The following PSG2 variants were observed in gnomAD, a reference collection of about 807,000 sequenced individuals.
PSG2 encodes pregnancy specific beta-1-glycoprotein 2.
PSG2 carries 49 observed loss-of-function variants against 36.2 expected under a neutral mutation model. The ratio of observed to expected loss-of-function variants is 1.35; its 90% CI spans 1.08 to 1.72. PSG2 has a LOEUF of 1.72. Among genes scored for constraint, PSG2 ranks in the 40% most tolerant of loss-of-function variants. PSG2 has a pLI of 0.00. For missense variants in PSG2, 605 were observed against 407.2 expected, an observed-to-expected ratio of 1.49 and a Z score of -4.18; for synonymous variants, 261 against 155.6, an observed-to-expected ratio of 1.68 and a Z score of -5.04.
chr19:43,074,651 G>T (rs1440153541), intron 3 of PSG2, among the ~76,000 whole-genome samples: 2 of 151,646 alleles, frequency 1.3e-5, no homozygotes, highest in Non-Finnish European at 1.5e-5. Context: ...CTGATAGCTA[G>T]ATAGACTTCA....
intron 2 of PSG2, among the ~76,000 whole-genome samples, chr19:43,078,560 GC>G (rs1967928821): frequency 6.6e-6 from 1 of 151,536 alleles, no homozygotes; most frequent in Admixed American, 6.6e-5. Context: ...CTACCTAGAG[GC>G]GGATTCCAGC....
chr19:43,077,710 TTG>T (rs1967917134), intron 2 of PSG2, among the ~76,000 whole-genome samples: 2 of 151,772 alleles, frequency 1.3e-5, no homozygotes, highest in Admixed American at 1.3e-4. Context: ...GTTACAGCAT[TTG>T]TATTTGTCCC....
intron 3 of PSG2, among the ~76,000 whole-genome samples, 191 bp from the exon 4 acceptor site, chr19:43,072,145 G>T (rs545700462): frequency 6.6e-6 from 1 of 151,688 alleles, no homozygotes; most frequent in Non-Finnish European, 1.5e-5. Flanking sequence ...TGGGCCCCAA[G>T]TCTCCCACGA....
At position 43,078,768 on chromosome 19, in the gene PSG2, C is replaced by G. The variant is rs560703060; in HGVS notation, c.430+2113G>C. Among the ~76,000 whole-genome samples, 3 of 151,838 alleles carry G rather than the reference C, an allele frequency of 2.0e-5. No individual in the cohort carries two copies. In the East Asian group the frequency reaches 5.8e-4, roughly 29 times the overall value. On this transcript the variant is annotated intron_variant, in intron 2 of 5. Coordinates refer to ENST00000406487, the MANE Select transcript of PSG2 (RefSeq NM_031246.4). Reference sequence around the variant, plus strand: ...GAGTCATTAAAATCTTTCTTTACTACAAATCACCATTTCAATAATTTTTTT... The same window carrying G: ...GAGTCATTAAAATCTTTCTTTACTAGAAATCACCATTTCAATAATTTTTTT...
At chr19:43,079,789 AAG>A (rs1159774737) in intron 2 of PSG2, among the ~76,000 whole-genome samples, 1 of 151,602 alleles carries the variant, frequency 6.6e-6, no homozygotes, top group African/African-American at 2.4e-5. Flanking sequence ...GATGCCTAAG[AAG>A]AGAGGATTTG....
chr19:43,071,933 A>T lies in PSG2; in HGVS notation c.731T>A (p.Ile244Asn), dbSNP rs1200792437. The change falls in exon 4 of 6, where the codon ATT becomes AAT. Residue 244 changes from isoleucine to asparagine, a missense_variant. By Grantham distance (149) the Ile-to-Asn change is moderately radical (BLOSUM62 -3). Coordinates refer to ENST00000406487, the MANE Select transcript of PSG2 (RefSeq NM_031246.4). The stretch of plus-strand genomic sequence containing the variant: ...ACGGTAATTGGTGTATGAAGGGTGA[A>T]TTCTGGGGAGGTCTGGACCATCTGG... The part of the protein sequence containing the change: ...NLLHGPDLPR[I>N]HPSYTNYRSG... 1 of 1,612,554 alleles carries T rather than the reference A, an allele frequency of 6.2e-7. No individual in the cohort carries two copies. Among genetic ancestry groups the T allele is most frequent in the East Asian group, 2.2e-5 (1 of 44,884 alleles).
intron 1 of PSG2, among the ~76,000 whole-genome samples, chr19:43,081,572 G>A (rs894294863): frequency 2.0e-5 from 3 of 151,400 alleles, no homozygotes; most frequent in East Asian, 1.9e-4. Context: ...CTCACATCAG[G>A]GTATCCTAAG....
chr19:43,081,414 G>T (rs1158237185), intron 1 of PSG2, among the ~76,000 whole-genome samples, 168 bp from the exon 2 acceptor site: 1 of 150,694 alleles, frequency 6.6e-6, no homozygotes, highest in Non-Finnish European at 1.5e-5. Context: ...GGGCATGTGT[G>T]TTTGTATGTG....
intron 3 of PSG2, chr19:43,072,460 C>G (rs1967833467): frequency 1.2e-6 from 2 of 1,611,510 alleles, no homozygotes; most frequent in Non-Finnish European, 1.7e-6. Context: ...GAATGAGGAT[C>G]CTGTTTTCAA....
At chr19:43,080,568 G>C (rs950581382) in intron 2 of PSG2, among the ~76,000 whole-genome samples, 2 of 151,670 alleles carry the variant, frequency 1.3e-5, no homozygotes, top group African/African-American at 2.4e-5. Flanking sequence ...CAGTTCTCCA[G>C]GGTCTTTCTC....
rs777942075 is a variant in PSG2, at chr19:43,075,392, CTCCCTGAGT to C, written c.662_670del (p.Asn221_Gly223del). 1.4e-5 allele frequency: 23 copies of C among 1,613,086 alleles called. No individual in the cohort carries two copies. Among genetic ancestry groups the C allele is most frequent in the Non-Finnish European group, 1.9e-5 (22 of 1,179,684 alleles). On this transcript the variant is annotated inframe_deletion, in exon 3 of 6. Coordinates refer to ENST00000406487, the MANE Select transcript of PSG2 (RefSeq NM_031246.4). ...GGTGACTGGGTCACTGCGGCTGGCA[CTCCCTGAGT>C]TCCGTATTTCACATTCATAGGGTCC...
At chr19:43,078,016 G>A (rs1254431693) in intron 2 of PSG2, among the ~76,000 whole-genome samples, 1 of 151,648 alleles carries the variant, frequency 6.6e-6, no homozygotes. Context: ...AGTGAAATGG[G>A]TGATATGAGC....
chr19:43,082,353 ACTGAC>A, intron 1 of PSG2, 148 bp downstream of exon 1: 10 of 1,234,542 alleles, frequency 8.1e-6, no homozygotes, highest in Non-Finnish European at 1.1e-5. Context: ...TGTTGGCCAG[ACTGAC>A]CTTGAACTCC....
At chr19:43,077,542 G>A (rs1162944402) in intron 2 of PSG2, among the ~76,000 whole-genome samples, 1 of 151,606 alleles carries the variant, frequency 6.6e-6, no homozygotes, top group Non-Finnish European at 1.5e-5. Flanking sequence ...GATGCCAATG[G>A]CTCATGTGTC....
At chr19:43,070,848 G>A (rs1418717690) in intron 4 of PSG2, among the ~76,000 whole-genome samples, 1 of 151,652 alleles carries the variant, frequency 6.6e-6, no homozygotes, top group East Asian at 1.9e-4. Context: ...TATATAAAGT[G>A]TCTGGTAGTC....
At chr19:43,071,631 G>C in intron 4 of PSG2, 69 bp downstream of exon 4, 3 of 1,612,252 alleles carry the variant, frequency 1.9e-6, no homozygotes, top group East Asian at 4.5e-5. Context: ...ATGTTTTCCT[G>C]ACTCTTCTCT....
chr19:43,066,639 T>A (rs746186063), intron 4 of PSG2, 39 bp from the exon 5 acceptor site: 1 of 1,549,228 alleles, frequency 6.5e-7, no homozygotes, highest in Non-Finnish European at 8.9e-7. Flanking sequence ...ATGAAGGTGA[T>A]GTTATTTTAC....
chr19:43,071,144 A>G (rs1339898432), intron 4 of PSG2, among the ~76,000 whole-genome samples: 1 of 151,500 alleles, frequency 6.6e-6, no homozygotes, highest in East Asian at 1.9e-4. Flanking sequence ...ACAGTCCACA[A>G]GGGGTCTTTC....
In PSG2 at chr19:43,075,469, G is replaced by T. The variant is rs754954348; in HGVS notation, c.594C>A (p.Thr198=). The part of the protein sequence containing the change: ...PMTHRFQLSE[T]NRTLFLFGVT... The stretch of plus-strand genomic sequence containing the variant: ...CACCAAATAGAAAGAGGGTCCTGTT[G>T]GTTTCGGACAGCTGAAACCTATGAG... Residue 198 remains threonine (T), a synonymous_variant, in exon 3 of 6, where the codon ACC becomes ACA. Coordinates refer to ENST00000406487, the MANE Select transcript of PSG2 (RefSeq NM_031246.4). 10 of 1,613,166 alleles carry T rather than the reference G, an allele frequency of 6.2e-6. No homozygotes were observed. Among genetic ancestry groups the T allele is most frequent in the Non-Finnish European group, 8.5e-7 (1 of 1,179,650 alleles).
Sources: gnomAD v4.1 joint callset for allele counts (sites outside exome capture counted in the v4.1 genomes callset) on GRCh38, gnomAD v4.1.1 for gene constraint, MANE v1.5 for transcripts, NCBI Gene and HGNC (gene_info 2026-07-23, HGNC 2026-07-21) for gene names.